SLC6A5: variants seen among roughly 807,000 people sequenced by gnomAD.
The protein encoded by SLC6A5 is sodium- and chloride-dependent glycine transporter 2.
Under a neutral mutation model 90.5 loss-of-function variants are expected in SLC6A5, and 58 were observed. The observed-to-expected ratio is 0.64, with a 90% CI of 0.52 to 0.80. The LOEUF (loss-of-function observed/expected upper bound fraction) is 0.80. Ranked by LOEUF, SLC6A5 falls within the 30% of genes least tolerant of loss-of-function variation. The pLI is 0.00. For missense variants in SLC6A5, 1,015 were observed against 1,017.6 expected, an observed-to-expected ratio of 1.00 and a Z score of 0.03; for synonymous variants, 427 against 401.4, an observed-to-expected ratio of 1.06 and a Z score of -0.76.
intron 7 of SLC6A5, among the ~76,000 whole-genome samples, chr11:20,622,332 T>C (rs114113706): frequency 0.023 from 3,548 of 152,286 alleles, 151 homozygotes; most frequent in African/African-American, 0.08. Context: ...AGCCAGTGCC[T>C]AGTGTGCAAA....
intron 4 of SLC6A5, 151 bp downstream of exon 4, chr11:20,607,289 G>A: frequency 7.7e-7 from 1 of 1,300,436 alleles, no homozygotes; most frequent in Non-Finnish European, 1.1e-6. Context: ...AATGGCCCAA[G>A]ATCACCTCTG....
chr11:20,606,925 T>A (rs757209495), intron 3 of SLC6A5, 82 bp from the exon 4 acceptor site: 350 of 1,583,242 alleles, frequency 2.2e-4, no homozygotes, highest in Non-Finnish European at 2.8e-4. Context: ...GAGAGGGAGC[T>A]CAGCCCCTAG....
In SLC6A5 at chr11:20,617,885, G is replaced by A; in HGVS notation, c.1260+1G>A. On this transcript the variant is annotated splice_donor_variant, in intron 7 of 15. Transcript: ENST00000525748. LOFTEE classifies it high-confidence loss of function. ...TAAAGGAATCAAGACTTCAGGAAAA[G>A]TAAGCACTTGGATTTATCTAAGAGA... The A allele has an allele frequency of 6.2e-7, 1 of 1,611,844 alleles. No individual in the cohort carries two copies. Among genetic ancestry groups the A allele is most frequent in the South Asian group, 1.1e-5 (1 of 91,056 alleles).
chr11:20,619,531 G>A (rs1258594639), intron 7 of SLC6A5, among the ~76,000 whole-genome samples: 1 of 152,200 alleles, frequency 6.6e-6, no homozygotes, highest in Non-Finnish European at 1.5e-5. Flanking sequence ...CTGAGCCCTT[G>A]TCCTTGGGGA....
At position 20,657,868 on chromosome 11, in the gene SLC6A5, ATTATC is replaced by A. The variant is rs1483132030; in HGVS notation, c.*3003_*3007del. On this transcript the variant is annotated 3_prime_UTR_variant, in exon 16 of 16. Coordinates refer to ENST00000525748, the MANE Select transcript of SLC6A5 (RefSeq NM_004211.5). ...AATGTCTTGCATATTAGTAACTTTT[ATTATC>A]TTTAGGACTGTGCTTATCAGGTACA... The A allele has an allele frequency of 6.6e-6, 1 of 152,154 alleles. No homozygotes were observed. The highest frequency in any genetic ancestry group is 2.4e-5 in the African/African-American group (1 of 41,442). 9.4% of individuals were successfully genotyped at this position (152,154 alleles called of 1,614,324 possible).
chr11:20,634,016 C>T (rs1422706731), intron 10 of SLC6A5, among the ~76,000 whole-genome samples: 10 of 151,914 alleles, frequency 6.6e-5, no homozygotes, highest in African/African-American at 1.4e-4. Context: ...GGACTACAGG[C>T]GCCCCCCACT....
rs781378453 is a variant in SLC6A5, at chr11:20,638,494, T to C, written c.1905T>C (p.Tyr635=). The C allele has an allele frequency of 2.0e-5, 33 of 1,613,548 alleles. No homozygotes were observed. Among genetic ancestry groups the C allele is most frequent in the Non-Finnish European group, 2.7e-5 (32 of 1,179,466 alleles). ...ACATGTTTCAGCTTGTGGACACCTATGCTGCCTCCTATGCCCTTGTCATCA... is the reference window on the plus strand; with the variant it reads ...ACATGTTTCAGCTTGTGGACACCTACGCTGCCTCCTATGCCCTTGTCATCA... ...GIYMFQLVDT[Y]AASYALVIIA... is the part of the protein sequence containing the mutation. Residue 635 remains tyrosine, a synonymous_variant, in exon 13 of 16, where the codon TAT becomes TAC. Coordinates refer to ENST00000525748, the MANE Select transcript of SLC6A5 (RefSeq NM_004211.5).
chr11:20,638,624 C>T, intron 13 of SLC6A5, 66 bp downstream of exon 13: 1 of 920,036 alleles, frequency 1.1e-6, no homozygotes, highest in Non-Finnish European at 1.8e-6. Flanking sequence ...TCATGGCAAG[C>T]AGATTTCCCA....
At chr11:20,626,665 G>A in intron 7 of SLC6A5, 43 bp from the exon 8 acceptor site, 1 of 1,611,948 alleles carries the variant, frequency 6.2e-7, no homozygotes, top group Non-Finnish European at 8.5e-7. Context: ...GGTGCACTCT[G>A]CAGGGCTGCT....
chr11:20,605,318 C>G (rs1390676832), intron 3 of SLC6A5, among the ~76,000 whole-genome samples: 2 of 152,190 alleles, frequency 1.3e-5, no homozygotes, highest in East Asian at 3.9e-4. Context: ...TTGTTTTTGT[C>G]TCTTGGGTCC....
At chr11:20,599,967 C>T (rs1364329361) in intron 1 of SLC6A5, among the ~76,000 whole-genome samples, 3 of 152,128 alleles carry the variant, frequency 2.0e-5, no homozygotes, top group East Asian at 1.9e-4. Context: ...AGGCGAGTTG[C>T]TCTGGGTCCT....
At chr11:20,627,673 G>C (rs918237580) in intron 8 of SLC6A5, among the ~76,000 whole-genome samples, 1 of 152,208 alleles carries the variant, frequency 6.6e-6, no homozygotes. Context: ...TTCTGAGAGT[G>C]TATTGACCTA....
chr11:20,623,448 G>A (rs1409159468), intron 7 of SLC6A5, among the ~76,000 whole-genome samples: 2 of 152,078 alleles, frequency 1.3e-5, no homozygotes, highest in African/African-American at 4.8e-5. Context: ...ACCAGCTCCA[G>A]CGACAACACC....
rs1853651521 is a variant in SLC6A5, at chr11:20,657,483, G to A, written c.*2615G>A. 2 of 151,990 alleles carry A rather than the reference G, an allele frequency of 1.3e-5. No individual in the cohort carries two copies. The highest frequency in any genetic ancestry group is 6.6e-5 in the Admixed American group (1 of 15,262). The allele number at this position is 151,990 out of a possible 1,614,324, so 9.4% of individuals were successfully genotyped here. A position where few individuals can be genotyped will look rare whatever the true frequency, so the allele number is the denominator to read the frequency against. ...TAGGTGAAAGGTTCCAAATTTACCT[G>A]GAAATGGTTACCTTGTAAATTTAGC... is the stretch of plus-strand genomic sequence containing the variant. On this transcript the variant is annotated 3_prime_UTR_variant, in exon 16 of 16. Coordinates refer to ENST00000525748, the MANE Select transcript of SLC6A5 (RefSeq NM_004211.5).
intron 10 of SLC6A5, among the ~76,000 whole-genome samples, chr11:20,631,830 G>A (rs1387305151): frequency 1.3e-5 from 2 of 152,276 alleles, no homozygotes; most frequent in Middle Eastern, 3.4e-3. Context: ...CTCAGATGTG[G>A]TGAGAGAACT....
At chr11:20,626,568 C>A (rs1852998474) in intron 7 of SLC6A5, 140 bp from the exon 8 acceptor site, 2 of 875,980 alleles carry the variant, frequency 2.3e-6, no homozygotes, top group Non-Finnish European at 3.7e-6. Flanking sequence ...GCTTCCCCAG[C>A]CCTGGCTGCA....
In SLC6A5 at chr11:20,655,936, C is replaced by T. The variant is rs1381187602; in HGVS notation, c.*1068C>T. ...AAATGGAGAGTTTAATAGAAAGCAA[C>T]CACAATATTCACTGCACTGGTAGTA... On this transcript the variant is annotated 3_prime_UTR_variant, in exon 16 of 16. Transcript: ENST00000525748. 6.6e-6 allele frequency: 1 copy of T among 152,156 alleles called. No homozygotes were observed. The highest frequency in any genetic ancestry group is 1.5e-5 in the Non-Finnish European group (1 of 68,030). The allele number at this position is 152,156 out of a possible 1,614,324, so 9.4% of individuals were successfully genotyped here. A position where few individuals can be genotyped will look rare whatever the true frequency, so the allele number is the denominator to read the frequency against.
chr11:20,647,900 T>G (rs1853451774), intron 14 of SLC6A5, among the ~76,000 whole-genome samples: 1 of 152,246 alleles, frequency 6.6e-6, no homozygotes, highest in South Asian at 2.1e-4. Flanking sequence ...CCTTGTCATC[T>G]TCAAGTGGGA....
At chr11:20,652,233 G>A (rs1273039462) in intron 14 of SLC6A5, 56 bp from the exon 15 acceptor site, 5 of 1,526,604 alleles carry the variant, frequency 3.3e-6, no homozygotes, top group African/African-American at 1.4e-5. Context: ...ATAGTGTTGA[G>A]TGCTTGAATA....
Sources: gnomAD v4.1 joint callset for allele counts (sites outside exome capture counted in the v4.1 genomes callset) on GRCh38, gnomAD v4.1.1 for gene constraint, MANE v1.5 for transcripts, NCBI Gene and HGNC (gene_info 2026-07-23, HGNC 2026-07-21) for gene names.